IL7: variants seen among roughly 807,000 people sequenced by gnomAD.
The protein encoded by IL7 is interleukin 7.
In IL7, 3 loss-of-function variants were observed where a neutral mutation model predicts 21.6. That is an observed-to-expected ratio of 0.14 (90% CI 0.06 to 0.36). The LOEUF (loss-of-function observed/expected upper bound fraction) is 0.36, where lower values mean the gene tolerates loss of function less well. Ranked by LOEUF, IL7 falls within the 10% of genes least tolerant of loss-of-function variation. The pLI, the probability that IL7 is intolerant of heterozygous loss-of-function variation, is 1.00. For synonymous variants in IL7, 62 were observed against 68.1 expected, an observed-to-expected ratio of 0.91 and a Z score of 0.44; for missense variants, 175 against 200.2, an observed-to-expected ratio of 0.87 and a Z score of 0.76.
At position 78,686,427 on chromosome 8, in the gene IL7, GTTTGTTTA is replaced by G. The variant is rs757438929; in HGVS notation, n.215-488_215-481del. On this transcript the variant is annotated intron_variant and non_coding_transcript_variant, in intron 3 of 4. Transcript: ENST00000523959. ...TATTTCAATATACTAAAAAGATACT[GTTTGTTTA>G]TTTATTTATTTATTTATTTATTTAT... 4.2e-5 allele frequency: 51 copies of G among 1,224,320 alleles called. 1 individual carries two copies. The East Asian group carries it at 6.2e-4, about 15-fold the overall frequency. The allele number at this position is 1,224,320 out of a possible 1,614,324, so 75.8% of individuals were successfully genotyped here.
chr8:78,736,523 T>G lies in IL7; in HGVS notation c.365A>C (p.Lys122Thr). The change falls in exon 5 of 6, where the codon AAA becomes ACA. Residue 122 changes from lysine to threonine, a missense_variant. Physicochemically the swap from Lys to Thr is moderately conservative, Grantham distance 78 (BLOSUM62 -1). Coordinates refer to ENST00000263851, the MANE Select transcript of IL7 (RefSeq NM_000880.4). ...ACCCAGGGCAGCTGGTTTTCTTCCT[T>G]TAACCTTAAAAACAAAGTCACATTT... ...TILLNCTGQV[K>T]GRKPAALGEA... is the part of the protein sequence containing the mutation. 6.3e-7 allele frequency: 1 copy of G among 1,594,836 alleles called. No individual in the cohort carries two copies. The highest frequency in any genetic ancestry group is 8.6e-7 in the Non-Finnish European group (1 of 1,165,856).
intron 1 of IL7, among the ~76,000 whole-genome samples, chr8:78,799,200 T>G (rs1025504310): frequency 6.6e-6 from 1 of 152,156 alleles, no homozygotes; most frequent in South Asian, 2.1e-4. Flanking sequence ...ATGCAAGATA[T>G]TTCACTTGTG....
At chr8:78,676,776 A>G (rs1213408186) in intron 4 of IL7, among the ~76,000 whole-genome samples, 1 of 151,782 alleles carries the variant, frequency 6.6e-6, no homozygotes, top group African/African-American at 2.4e-5. Context: ...TTTTCTTATC[A>G]ATTTATTATT....
intron 3 of IL7, among the ~76,000 whole-genome samples, chr8:78,710,737 T>G (rs1356169854): frequency 6.6e-6 from 1 of 152,066 alleles, no homozygotes; most frequent in African/African-American, 2.4e-5. Context: ...TTTAACAAAT[T>G]AAAAACAAAT....
At chr8:78,767,038 A>T (rs1181275694) in intron 2 of IL7, among the ~76,000 whole-genome samples, 2 of 152,150 alleles carry the variant, frequency 1.3e-5, no homozygotes, top group African/African-American at 4.8e-5. Flanking sequence ...TTGAAGATGA[A>T]CATCATTTCA....
chr8:78,733,895 AC>A, intron 5 of IL7, 63 bp from the exon 6 acceptor site: 1 of 1,122,248 alleles, frequency 8.9e-7, no homozygotes, highest in Non-Finnish European at 1.2e-6. Context: ...ATTTTAAAAT[AC>A]TATTTTTCAT....
chr8:78,716,266 G>C (rs1391630060), downstream of IL7, among the ~76,000 whole-genome samples: 3 of 151,400 alleles, frequency 2.0e-5, no homozygotes, highest in African/African-American at 7.3e-5. Context: ...GGGACTACAG[G>C]CGCCCGCCAC....
intron 4 of IL7, among the ~76,000 whole-genome samples, chr8:78,680,248 C>A (rs572283885): frequency 2.6e-4 from 35 of 133,772 alleles, no homozygotes; most frequent in Non-Finnish European, 4.7e-4. Flanking sequence ...AAAGTACAGT[C>A]CGCAGTCCGG....
At chr8:78,736,795 T>C (rs992715331) in intron 4 of IL7, among the ~76,000 whole-genome samples, 1 of 152,146 alleles carries the variant, frequency 6.6e-6, no homozygotes, top group African/African-American at 2.4e-5. Context: ...TACTGTGAGG[T>C]ATGAAAAATT....
At chr8:78,759,751 A>C (rs4017911) in intron 2 of IL7, among the ~76,000 whole-genome samples, 3 of 152,198 alleles carry the variant, frequency 2.0e-5, no homozygotes, top group Non-Finnish European at 4.4e-5. Context: ...TTGTGGGCTT[A>C]ACTATAACAT....
intron 2 of IL7, among the ~76,000 whole-genome samples, chr8:78,763,072 T>C (rs930491333): frequency 1.3e-5 from 2 of 152,210 alleles, no homozygotes; most frequent in African/African-American, 4.8e-5. Context: ...GCTTAGGCTC[T>C]GGTTGTTAGT....
intron 2 of IL7, among the ~76,000 whole-genome samples, chr8:78,775,668 C>T (rs1225636112): frequency 6.6e-6 from 1 of 152,020 alleles, no homozygotes; most frequent in African/African-American, 2.4e-5. Context: ...CTTCCTGTAG[C>T]GTTTTACTGA....
At chr8:78,700,512 A>G (rs969329284) in intron 3 of IL7, among the ~76,000 whole-genome samples, 1 of 152,116 alleles carries the variant, frequency 6.6e-6, no homozygotes, top group African/African-American at 2.4e-5. Flanking sequence ...TAGTTTAATT[A>G]CAGCCCATTT....
chr8:78,787,948 G>T (rs1813565491), intron 2 of IL7, among the ~76,000 whole-genome samples: 1 of 152,202 alleles, frequency 6.6e-6, no homozygotes, highest in South Asian at 2.1e-4. Context: ...TGGAGGCTCT[G>T]TGGTGAAACC....
rs1811728714 is a variant in IL7, at chr8:78,740,096, CATAAA to C, written c.148-19_148-15del. 4 of 1,418,612 alleles carry C rather than the reference CATAAA, an allele frequency of 2.8e-6. No individual in the cohort carries two copies. Among genetic ancestry groups the C allele is most frequent in the Admixed American group, 2.7e-5 (1 of 37,532 alleles). 87.9% of individuals were successfully genotyped at this position (1,418,612 alleles called of 1,614,324 possible). A position where few individuals can be genotyped will look rare whatever the true frequency, so the allele number is the denominator to read the frequency against. On this transcript the variant is annotated splice_polypyrimidine_tract_variant and intron_variant, in intron 2 of 5. Coordinates refer to ENST00000263851, the MANE Select transcript of IL7 (RefSeq NM_000880.4). The stretch of plus-strand genomic sequence containing the variant: ...TTTCATGCTGTCCTGTAATAAATAA[CATAAA>C]ATAATATGGTTAAAACTGAGTACTT...
At chr8:78,759,433 C>T (rs1243767215) in intron 2 of IL7, among the ~76,000 whole-genome samples, 1 of 151,206 alleles carries the variant, frequency 6.6e-6, no homozygotes, top group Non-Finnish European at 1.5e-5. Context: ...AAAAACCAGA[C>T]AAATCAGTTG....
chr8:78,766,811 T>A (rs1812769000), intron 2 of IL7, among the ~76,000 whole-genome samples: 1 of 152,194 alleles, frequency 6.6e-6, no homozygotes, highest in Non-Finnish European at 1.5e-5. Context: ...ATATTAATGC[T>A]TGCATTTCTG....
intron 3 of IL7, chr8:78,686,458 TA>T (rs774851819): frequency 7.3e-7 from 1 of 1,379,286 alleles, no homozygotes; most frequent in South Asian, 1.9e-5. Context: ...TTTATTTATT[TA>T]TTTATAGCCA....
At chr8:78,804,199 A>T (rs3889508) in intron 1 of IL7, among the ~76,000 whole-genome samples, 1 of 152,100 alleles carries the variant, frequency 6.6e-6, no homozygotes, top group African/African-American at 2.4e-5. Flanking sequence ...TTAGGTCTCA[A>T]TACTGGTCTG....
Sources: gnomAD v4.1 joint callset for allele counts (sites outside exome capture counted in the v4.1 genomes callset) on GRCh38, gnomAD v4.1.1 for gene constraint, MANE v1.5 for transcripts, NCBI Gene and HGNC (gene_info 2026-07-23, HGNC 2026-07-21) for gene names.